INTS7: variants seen among roughly 807,000 people sequenced by gnomAD.
INTS7 encodes chromosome 1 open reading frame 73.
A neutral mutation model predicts 109.2 loss-of-function variants in INTS7; 46 were observed. That is an observed-to-expected ratio of 0.42 (90% CI 0.33 to 0.54). INTS7 has a LOEUF of 0.54. INTS7 is among the 20% of genes least tolerant of loss of function. INTS7 has a pLI of 0.07. For missense variants in INTS7, 929 were observed against 1,132.4 expected, an observed-to-expected ratio of 0.82 and a Z score of 2.58; for synonymous variants, 412 against 402.9, an observed-to-expected ratio of 1.02 and a Z score of -0.27.
At chr1:212,012,850 T>C (rs988451675) in intron 4 of INTS7, among the ~76,000 whole-genome samples, 10 of 152,156 alleles carry the variant, frequency 6.6e-5, no homozygotes, top group African/African-American at 2.4e-4. Flanking sequence ...TTCTCATATA[T>C]AAAATTTAAT....
chr1:212,025,844 T>C (rs1290305230), intron 1 of INTS7, among the ~76,000 whole-genome samples: 1 of 151,906 alleles, frequency 6.6e-6, no homozygotes, highest in African/African-American at 2.4e-5. Context: ...CCAGTAACCT[T>C]TGATTATTCT....
At chr1:212,025,211 A>C (rs1424048747) in intron 1 of INTS7, among the ~76,000 whole-genome samples, 3 of 152,254 alleles carry the variant, frequency 2.0e-5, no homozygotes, top group Non-Finnish European at 4.4e-5. Flanking sequence ...ATGCTGAGTG[A>C]AAGAAGCCAG....
In INTS7 at chr1:211,976,736, A is replaced by T; in HGVS notation, c.1471-17T>A. 1.2e-6 allele frequency: 2 copies of T among 1,613,282 alleles called. No individual in the cohort carries two copies. Among genetic ancestry groups the T allele is most frequent in the Non-Finnish European group, 1.7e-6 (2 of 1,179,272 alleles). On this transcript the variant is annotated splice_polypyrimidine_tract_variant and intron_variant, in intron 11 of 19. Coordinates refer to ENST00000366994, the MANE Select transcript of INTS7 (RefSeq NM_015434.4). ...CAAACTCACCTAACATTGGGCAAGA[A>T]GAAAACCAAGAAAATCATTTAATTT...
chr1:211,962,915 A>G (rs1354725701), intron 16 of INTS7, among the ~76,000 whole-genome samples: 1 of 152,206 alleles, frequency 6.6e-6, no homozygotes, highest in Non-Finnish European at 1.5e-5. Context: ...CCTACATCAA[A>G]AAGTTAGAAA....
intron 4 of INTS7, among the ~76,000 whole-genome samples, chr1:212,016,540 G>GT (rs1666451001): frequency 6.6e-6 from 1 of 152,194 alleles, no homozygotes. Context: ...TTAGAAGACA[G>GT]TAAGTAAGCA....
chr1:211,970,083 C>T (rs1277358465), intron 13 of INTS7, among the ~76,000 whole-genome samples: 1 of 152,028 alleles, frequency 6.6e-6, no homozygotes, highest in Non-Finnish European at 1.5e-5. Context: ...GCCTCAAACT[C>T]CTGTAGCTCA....
chr1:211,982,582 G>T, intron 9 of INTS7, 94 bp downstream of exon 9: 1 of 953,718 alleles, frequency 1.0e-6, no homozygotes, highest in South Asian at 2.2e-5. Context: ...AAGGCACACA[G>T]GCTAAAAATA....
chr1:212,014,267 C>T (rs922345693), intron 4 of INTS7, among the ~76,000 whole-genome samples: 1 of 151,912 alleles, frequency 6.6e-6, no homozygotes, highest in Non-Finnish European at 1.5e-5. Context: ...GAGTTCAAGA[C>T]GAGCCTGGCC....
chr1:212,021,062 C>A (rs765511686), intron 2 of INTS7, 21 bp downstream of exon 2: 1 of 1,583,812 alleles, frequency 6.3e-7, no homozygotes, highest in Non-Finnish European at 8.6e-7. Flanking sequence ...TTTAGGACAT[C>A]GAGAATTTAA....
intron 13 of INTS7, among the ~76,000 whole-genome samples, chr1:211,973,135 G>A (rs1346648657): frequency 6.6e-6 from 1 of 151,960 alleles, no homozygotes; most frequent in African/African-American, 2.4e-5. Context: ...TTGTAGAGAC[G>A]GGGTTTTCCA....
Position 211,969,551 on chromosome 1 carries a change from C to CTTTTTTT in INTS7, c.1816-851_1816-845dup, listed in dbSNP as rs36104773. On this transcript the variant is annotated intron_variant, in intron 13 of 19. Coordinates refer to ENST00000366994, the MANE Select transcript of INTS7 (RefSeq NM_015434.4). ...CCAAATTTCTTTTTCTTTTTCTTTT[C>CTTTTTTT]TTTTTTTTTTTTTTTTTTTTTTGAG... Among the ~76,000 whole-genome samples, 25 of 85,022 alleles carry CTTTTTTT rather than the reference C, an allele frequency of 2.9e-4. 1 individual carries two copies. The highest frequency in any genetic ancestry group is 6.2e-4 in the African/African-American group (15 of 24,024). The allele number at this position is 85,022 out of a possible 152,430, so 55.8% of individuals were successfully genotyped here.
rs1663968970 is a variant in INTS7, at chr1:211,967,811, G to A, written c.2114+67C>T. 6.3e-6 allele frequency: 5 copies of A among 794,502 alleles called. No individual in the cohort carries two copies. The Middle Eastern group carries it at 6.6e-4, about 105-fold the overall frequency. The allele number at this position is 794,502 out of a possible 1,614,324, so 49.2% of individuals were successfully genotyped here. On this transcript the variant is annotated intron_variant, in intron 15 of 19. Coordinates refer to ENST00000366994, the MANE Select transcript of INTS7 (RefSeq NM_015434.4). ...ATGTATTTTGTAGGTAAGCATATCTGAGGTAGTCCGTATTTAAAAGAATAC... is the reference window on the plus strand; with the variant it reads ...ATGTATTTTGTAGGTAAGCATATCTAAGGTAGTCCGTATTTAAAAGAATAC...
intron 16 of INTS7, among the ~76,000 whole-genome samples, chr1:211,954,101 G>GACAA (rs1663244332): frequency 6.6e-6 from 1 of 152,230 alleles, no homozygotes; most frequent in African/African-American, 2.4e-5. Context: ...TCTAACTGGT[G>GACAA]TGAGATGGTA....
At chr1:211,987,059 G>A (rs1664924078) in intron 8 of INTS7, among the ~76,000 whole-genome samples, 1 of 152,130 alleles carries the variant, frequency 6.6e-6, no homozygotes, top group African/African-American at 2.4e-5. Context: ...CACTTTGAAA[G>A]GGCAAGGTGG....
chr1:211,988,058 A>T, intron 7 of INTS7, 55 bp from the exon 8 acceptor site: 1 of 856,826 alleles, frequency 1.2e-6, no homozygotes, highest in South Asian at 1.6e-5. Flanking sequence ...ATACTTCTAA[A>T]CTGTCTACTC....
chr1:211,971,502 G>A (rs1412320772), intron 13 of INTS7, among the ~76,000 whole-genome samples: 4 of 152,138 alleles, frequency 2.6e-5, no homozygotes, highest in Non-Finnish European at 1.5e-5. Context: ...ATGAATCTTA[G>A]GAACATAATT....
At chr1:211,993,752 T>A (rs538235752) in intron 7 of INTS7, among the ~76,000 whole-genome samples, 1 of 149,458 alleles carries the variant, frequency 6.7e-6, no homozygotes, top group Admixed American at 6.7e-5. Context: ...CAAGCTAAGA[T>A]GGTTATTTAT....
In INTS7 at chr1:211,985,860, T is replaced by G. The variant is rs538608697; in HGVS notation, c.997+2026A>C. On this transcript the variant is annotated intron_variant, in intron 8 of 19. Transcript: ENST00000366994. ...TTTGTCTATCACAGCTCTTTCAAAG[T>G]GCAATGTTGGTGAAGGATGTTAACT... Among the ~76,000 whole-genome samples, 15 of 152,306 alleles carry G rather than the reference T, an allele frequency of 9.8e-5. No individual in the cohort carries two copies. In the South Asian group the frequency reaches 3.1e-3, roughly 32 times the overall value.
intron 4 of INTS7, among the ~76,000 whole-genome samples, chr1:212,015,895 T>C (rs938514342): frequency 1.3e-5 from 2 of 152,004 alleles, no homozygotes; most frequent in South Asian, 2.1e-4. Context: ...ATCCTTCTAG[T>C]CTTTTTTTCT....
Sources: allele counts gnomAD v4.1 joint callset (sites outside exome capture counted in the v4.1 genomes callset), GRCh38; gene constraint gnomAD v4.1.1; transcripts MANE v1.5; gene names NCBI Gene and HGNC (gene_info 2026-07-23, HGNC 2026-07-21).